MARCHF4: variants seen among roughly 807,000 people sequenced by gnomAD.
The protein encoded by MARCHF4 is E3 ubiquitin-protein ligase MARCHF4.
In MARCHF4, 14 loss-of-function variants were observed where a neutral mutation model predicts 43.9. That is an observed-to-expected ratio of 0.32 (90% confidence interval 0.21 to 0.50). The LOEUF (loss-of-function observed/expected upper bound fraction) is 0.50, where lower values mean the gene tolerates loss of function less well. Ranked by LOEUF, MARCHF4 falls within the 20% of genes least tolerant of loss-of-function variation. The probability of loss-of-function intolerance (pLI) is 0.98; values close to 1 mark genes in which losing one functional copy is unlikely to be tolerated. For synonymous variants in MARCHF4, 226 were observed against 213.3 expected, an observed-to-expected ratio of 1.06 and a Z score of -0.52; for missense variants, 468 against 536.7, an observed-to-expected ratio of 0.87 and a Z score of 1.27.
At chr2:216,276,769 G>T (rs1441718398) in intron 3 of MARCHF4, among the ~76,000 whole-genome samples, 1 of 152,158 alleles carries the variant, frequency 6.6e-6, no homozygotes, top group Admixed American at 6.5e-5. Context: ...GAGAGTTCTA[G>T]GGTGGGATGT....
chr2:216,274,050 G>T (rs1690983721), intron 3 of MARCHF4, among the ~76,000 whole-genome samples: 1 of 152,240 alleles, frequency 6.6e-6, no homozygotes, highest in Non-Finnish European at 1.5e-5. Context: ...GTTAATGGGT[G>T]TTTTATTGGG....
At position 216,371,659 on chromosome 2, in the gene MARCHF4, C is replaced by A. The variant is rs1038923376; in HGVS notation, c.-1399G>T. 3 of 152,298 alleles carry A rather than the reference C, an allele frequency of 2.0e-5. No homozygotes were observed. Among genetic ancestry groups the A allele is most frequent in the African/African-American group, 7.2e-5 (3 of 41,442 alleles). The allele number at this position is 152,298 out of a possible 1,614,324, so 9.4% of individuals were successfully genotyped here. Reference sequence around the variant, plus strand: ...GCCCTGAGCCCCCGCGCCCGGGCAGCGCTGCCATGCAACCAGAGGCGAGGC... The same window carrying A: ...GCCCTGAGCCCCCGCGCCCGGGCAGAGCTGCCATGCAACCAGAGGCGAGGC... On this transcript the variant is annotated 5_prime_UTR_variant, in exon 1 of 4. Transcript: ENST00000273067.
intron 1 of MARCHF4, among the ~76,000 whole-genome samples, chr2:216,336,511 T>C (rs558887300): frequency 8.5e-5 from 13 of 152,238 alleles, no homozygotes; most frequent in African/African-American, 3.1e-4. Flanking sequence ...GTTAAATTAT[T>C]TACTCTGTTA....
intron 3 of MARCHF4, among the ~76,000 whole-genome samples, chr2:216,262,747 TC>T (rs1690762346): frequency 6.6e-6 from 1 of 152,128 alleles, no homozygotes; most frequent in Non-Finnish European, 1.5e-5. Context: ...ACACCAAACA[TC>T]CCCTTTTTAT....
At chr2:216,348,032 C>CTTT (rs773695717) in intron 1 of MARCHF4, among the ~76,000 whole-genome samples, 19 of 99,682 alleles carry the variant, frequency 1.9e-4, no homozygotes, top group Middle Eastern at 5.8e-3. Flanking sequence ...TTAAGGCATT[C>CTTT]TTTTTTTTTT....
intron 1 of MARCHF4, among the ~76,000 whole-genome samples, chr2:216,293,537 T>C (rs1222505786): frequency 6.7e-6 from 1 of 149,310 alleles, no homozygotes; most frequent in African/African-American, 2.5e-5. Context: ...CTTCATGGAA[T>C]ATTTTCCAGC....
intron 1 of MARCHF4, chr2:216,303,406 G>C (rs1691526876): frequency 6.6e-6 from 1 of 152,186 alleles, no homozygotes; most frequent in Non-Finnish European, 1.5e-5. Context: ...AGAGATAATT[G>C]ACTGCACAAA....
At chr2:216,288,525 C>T (rs986984303) in intron 1 of MARCHF4, among the ~76,000 whole-genome samples, 1 of 152,086 alleles carries the variant, frequency 6.6e-6, no homozygotes, top group African/African-American at 2.4e-5. Context: ...GAGACTCTGC[C>T]CTCCTGGGAT....
chr2:216,299,258 G>A (rs1164543290), intron 1 of MARCHF4, among the ~76,000 whole-genome samples: 1 of 152,154 alleles, frequency 6.6e-6, no homozygotes, highest in African/African-American at 2.4e-5. Context: ...GAACCAGGGG[G>A]TGCCTTGCCA....
chr2:216,311,549 C>A (rs1248585597), intron 1 of MARCHF4, among the ~76,000 whole-genome samples: 1 of 152,202 alleles, frequency 6.6e-6, no homozygotes, highest in Non-Finnish European at 1.5e-5. Flanking sequence ...TGAGCCACTG[C>A]ACTCGGCCGT....
At chr2:216,270,061 A>G (rs1690908370) in intron 3 of MARCHF4, among the ~76,000 whole-genome samples, 1 of 150,570 alleles carries the variant, frequency 6.6e-6, no homozygotes, top group African/African-American at 2.4e-5. Context: ...TGCCTACAGA[A>G]ATCTAGGCAT....
intron 3 of MARCHF4, 136 bp from the exon 4 acceptor site, chr2:216,259,815 G>T: frequency 1.2e-6 from 1 of 866,782 alleles, no homozygotes; most frequent in Non-Finnish European, 1.7e-6. Context: ...ACCATCCCTA[G>T]ATTCCCAGGC....
At chr2:216,304,576 G>A (rs550203085) in intron 1 of MARCHF4, among the ~76,000 whole-genome samples, 210 of 152,252 alleles carry the variant, frequency 1.4e-3, no homozygotes, top group Non-Finnish European at 2.6e-3. Context: ...ATCCAAATAG[G>A]AGATGCATCA....
intron 3 of MARCHF4, among the ~76,000 whole-genome samples, chr2:216,271,388 T>C (rs947182667): frequency 6.6e-6 from 1 of 152,228 alleles, no homozygotes; most frequent in Non-Finnish European, 1.5e-5. Flanking sequence ...GGTTTCTTCC[T>C]TCAATAAGCC....
intron 1 of MARCHF4, among the ~76,000 whole-genome samples, chr2:216,329,629 T>TAA (rs11382622): frequency 6.6e-6 from 1 of 150,636 alleles, no homozygotes; most frequent in African/African-American, 2.4e-5. Flanking sequence ...GTAGGACAAA[T>TAA]AAAAAATCAG....
chr2:216,315,202 T>A (rs1691755538), intron 1 of MARCHF4, among the ~76,000 whole-genome samples: 1 of 152,146 alleles, frequency 6.6e-6, no homozygotes, highest in Admixed American at 6.5e-5. Context: ...AATAGAGACA[T>A]AAACCTTAGA....
chr2:216,283,188 TTC>T (rs1357594541), intron 2 of MARCHF4, among the ~76,000 whole-genome samples: 2 of 152,154 alleles, frequency 1.3e-5, no homozygotes, highest in East Asian at 1.9e-4. Context: ...CCTCTGGCCT[TTC>T]TCTCTTTTTC....
At chr2:216,287,769 C>A (rs1297715396) in intron 1 of MARCHF4, among the ~76,000 whole-genome samples, 2 of 151,116 alleles carry the variant, frequency 1.3e-5, no homozygotes, top group African/African-American at 2.4e-5. Context: ...GCACATGTAC[C>A]CTAAAACTTA....
rs867028367 is a variant in MARCHF4, at chr2:216,367,943, A to G, written c.516+1802T>C. Among the ~76,000 whole-genome samples, 550 of 151,754 alleles carry G rather than the reference A, an allele frequency of 3.6e-3. 1 individual carries two copies. Among genetic ancestry groups the G allele is most frequent in the African/African-American group, 0.012 (516 of 41,298 alleles). On this transcript the variant is annotated intron_variant, in intron 1 of 3. Transcript: ENST00000273067. ...CTCCCAACACACCTCTGAGGAAAGGAGGGGGGGGCATGAAAAGGTGTCTCC... is the reference window on the plus strand; with the variant it reads ...CTCCCAACACACCTCTGAGGAAAGGGGGGGGGGGCATGAAAAGGTGTCTCC...
Sources: allele counts gnomAD v4.1 joint callset (sites outside exome capture counted in the v4.1 genomes callset), GRCh38; gene constraint gnomAD v4.1.1; transcripts MANE v1.5; gene names NCBI Gene and HGNC (gene_info 2026-07-23, HGNC 2026-07-21).